The following SGCZ variants were observed in gnomAD, a reference collection of about 807,000 sequenced individuals.
The protein encoded by SGCZ is sarcoglycan zeta, also known as zeta-sarcoglycan.
A neutral mutation model predicts 41.3 loss-of-function variants in SGCZ; 40 were observed. The ratio of observed to expected loss-of-function variants is 0.97; its 90% confidence interval spans 0.75 to 1.26. The LOEUF is 1.26. Among genes scored for constraint, SGCZ ranks in the 50% most tolerant of loss-of-function variants. SGCZ has a pLI of 0.00. For synonymous variants in SGCZ, 206 were observed against 137.5 expected, an observed-to-expected ratio of 1.50 and a Z score of -3.49; for missense variants, 552 against 369.8, an observed-to-expected ratio of 1.49 and a Z score of -4.04.
At chr8:14,326,199 T>A (rs62497794) in intron 2 of SGCZ, among the ~76,000 whole-genome samples, 30,032 of 149,870 alleles carry the variant, frequency 0.2, 3,711 homozygotes, top group Non-Finnish European at 0.29. Flanking sequence ...AGACAGATGT[T>A]TATAAAACCA....
chr8:14,251,648 T>C (rs886336434), intron 3 of SGCZ, among the ~76,000 whole-genome samples: 1 of 152,212 alleles, frequency 6.6e-6, no homozygotes, highest in Non-Finnish European at 1.5e-5. Context: ...TCTAGTATTA[T>C]ATAAAAACAT....
intron 1 of SGCZ, among the ~76,000 whole-genome samples, chr8:14,959,147 A>G (rs1402794068): frequency 2.6e-5 from 4 of 152,168 alleles, no homozygotes; most frequent in Admixed American, 2.0e-4. Context: ...CAACCAAAAT[A>G]TAATAGCATA....
intron 1 of SGCZ, among the ~76,000 whole-genome samples, chr8:14,716,174 T>C (rs753656478): frequency 6.6e-6 from 1 of 151,760 alleles, no homozygotes; most frequent in Non-Finnish European, 1.5e-5. Flanking sequence ...AGTATCCAAA[T>C]TTAGAACTTA....
chr8:14,789,404 C>T (rs963750079), intron 1 of SGCZ, among the ~76,000 whole-genome samples: 22 of 152,088 alleles, frequency 1.4e-4, no homozygotes, highest in Admixed American at 2.6e-4. Context: ...AATGGATCCC[C>T]AAGTATTGAT....
chr8:14,579,596 C>A (rs1016788783), intron 1 of SGCZ, among the ~76,000 whole-genome samples: 1 of 152,188 alleles, frequency 6.6e-6, no homozygotes, highest in Admixed American at 6.5e-5. Context: ...GTTCAGGGAA[C>A]ACTAGCTTTC....
At chr8:14,544,338 C>A (rs1328796107) in intron 2 of SGCZ, among the ~76,000 whole-genome samples, 2 of 151,898 alleles carry the variant, frequency 1.3e-5, no homozygotes, top group Admixed American at 6.6e-5. Flanking sequence ...TGTGTTTGAA[C>A]AATATGAAAT....
intron 3 of SGCZ, among the ~76,000 whole-genome samples, chr8:14,239,794 T>C (rs990455678): frequency 5.5e-5 from 8 of 144,524 alleles, no homozygotes; most frequent in African/African-American, 1.0e-4. Context: ...CCCAGCTACT[T>C]GGGAGGCTGA....
intron 1 of SGCZ, among the ~76,000 whole-genome samples, chr8:14,622,227 T>A: frequency 6.6e-6 from 1 of 152,166 alleles, no homozygotes; most frequent in East Asian, 1.9e-4. Flanking sequence ...GACAGCCAAA[T>A]AAACAGAATG....
intron 1 of SGCZ, among the ~76,000 whole-genome samples, chr8:14,906,708 G>C (rs2130769497): frequency 6.6e-6 from 1 of 152,260 alleles, no homozygotes; most frequent in South Asian, 2.1e-4. Context: ...TCAAACAACA[G>C]AACTTGGCGT....
intron 1 of SGCZ, among the ~76,000 whole-genome samples, chr8:14,681,046 G>C (rs1034390222): frequency 3.4e-5 from 5 of 148,036 alleles, no homozygotes; most frequent in Non-Finnish European, 5.9e-5. Context: ...GAAATCCATA[G>C]ATGAAATTGC....
chr8:14,557,781 C>G (rs894679642), intron 1 of SGCZ, among the ~76,000 whole-genome samples: 5 of 151,900 alleles, frequency 3.3e-5, no homozygotes, highest in African/African-American at 1.2e-4. Context: ...AAACCAAACC[C>G]AAACCCAGCA....
intron 1 of SGCZ, among the ~76,000 whole-genome samples, chr8:14,706,929 G>C (rs1309103336): frequency 6.7e-6 from 1 of 149,136 alleles, no homozygotes; most frequent in East Asian, 2.0e-4. Flanking sequence ...TTATTATTTA[G>C]AAGAAAATTT....
intron 1 of SGCZ, among the ~76,000 whole-genome samples, chr8:14,953,573 A>T (rs556959300): frequency 6.6e-5 from 10 of 152,292 alleles, no homozygotes; most frequent in African/African-American, 2.4e-4. Flanking sequence ...AGGGTAGCAG[A>T]AGTGCAATAA....
At chr8:14,174,541 C>T (rs186759307) in intron 4 of SGCZ, among the ~76,000 whole-genome samples, 33 of 152,102 alleles carry the variant, frequency 2.2e-4, no homozygotes, top group African/African-American at 7.9e-4. Flanking sequence ...TCAATGTATG[C>T]CCAGCCTACT....
intron 1 of SGCZ, among the ~76,000 whole-genome samples, chr8:14,864,760 T>C (rs1230369586): frequency 2.6e-5 from 4 of 152,140 alleles, no homozygotes; most frequent in Admixed American, 2.6e-4. Context: ...ACATTTTTCA[T>C]AACCGGTAAC....
chr8:14,443,126 G>A (rs1800321562), intron 2 of SGCZ, among the ~76,000 whole-genome samples: 1 of 151,414 alleles, frequency 6.6e-6, no homozygotes, highest in South Asian at 2.1e-4. Flanking sequence ...CCTCTTCAAG[G>A]AGAACCACAA....
At chr8:15,078,448 G>A (rs373237285) in intron 1 of SGCZ, among the ~76,000 whole-genome samples, 1 of 151,598 alleles carries the variant, frequency 6.6e-6, no homozygotes, top group Non-Finnish European at 1.5e-5. Context: ...GTGAAAAACT[G>A]GTATCTTTTT....
At chr8:14,320,281 T>C (rs1459051806) in intron 3 of SGCZ, among the ~76,000 whole-genome samples, 2 of 151,754 alleles carry the variant, frequency 1.3e-5, no homozygotes, top group African/African-American at 4.8e-5. Flanking sequence ...CAGATATCTA[T>C]GTATATGAAT....
At chr8:14,542,525 T>C (rs1439159553) in intron 2 of SGCZ, among the ~76,000 whole-genome samples, 1 of 152,114 alleles carries the variant, frequency 6.6e-6, no homozygotes, top group African/African-American at 2.4e-5. Context: ...CTTAAAAGCA[T>C]AAAGGAGATT....
Sources: allele counts gnomAD v4.1 joint callset (sites outside exome capture counted in the v4.1 genomes callset), GRCh38; gene constraint gnomAD v4.1.1; transcripts MANE v1.5; gene names NCBI Gene and HGNC (gene_info 2026-07-23, HGNC 2026-07-21).